Variants in SNW1 observed in about 807,000 individuals in gnomAD.
SNW1 encodes SNW domain containing 1.
SNW1 carries 9 observed loss-of-function variants against 75.6 expected under a neutral mutation model. The ratio of observed to expected loss-of-function variants is 0.12; its 90% CI spans 0.07 to 0.21. SNW1 has a LOEUF of 0.21. Ranked by LOEUF, SNW1 falls within the 10% of genes least tolerant of loss-of-function variation. The probability of loss-of-function intolerance (pLI) is 1.00; values close to 1 mark genes in which losing one functional copy is unlikely to be tolerated. For synonymous variants in SNW1, 200 were observed against 219.1 expected (o/e 0.91, Z 0.77); for missense variants, 409 against 670.9 (o/e 0.61, Z 4.31).
rs1303070971 is a variant in SNW1 at position 77,761,098 on chromosome 14, C to A, written c.14+16G>T. On this transcript the variant is annotated intron_variant, in intron 1 of 13. Coordinates refer to ENST00000261531, the MANE Select transcript of SNW1 (RefSeq NM_012245.3). ...CCCAGACCCTTCCGTATCGAGGACC[C>A]CAATCAACAACCCACCTGGTGAGCG... The A allele has an allele frequency of 6.2e-7, 1 of 1,614,254 alleles. No homozygotes were observed. Among genetic ancestry groups the A allele is most frequent in the Non-Finnish European group, 8.5e-7 (1 of 1,180,044 alleles).
chr14:77,735,055 C>A, intron 7 of SNW1, 43 bp from the exon 8 acceptor site: 8 of 1,379,748 alleles, frequency 5.8e-6, no homozygotes, highest in East Asian at 2.3e-5. Context: ...GATTTATAGT[C>A]TACAAAGTAA....
At chr14:77,751,824 A>AC (rs1566836147) in intron 2 of SNW1, among the ~76,000 whole-genome samples, 1 of 121,978 alleles carries the variant, frequency 8.2e-6, no homozygotes, top group African/African-American at 2.9e-5. Context: ...ACACACACAC[A>AC]CACACACACA....
At chr14:77,743,840 T>C (rs1405405426) in intron 3 of SNW1, among the ~76,000 whole-genome samples, 1 of 152,124 alleles carries the variant, frequency 6.6e-6, no homozygotes, top group Non-Finnish European at 1.5e-5. Context: ...ACAATCAAAG[T>C]GCTCCCCCAG....
intron 7 of SNW1, 51 bp from the exon 8 acceptor site, chr14:77,735,063 T>C (rs780281663): frequency 3.9e-6 from 5 of 1,289,626 alleles, no homozygotes; most frequent in Non-Finnish European, 5.6e-6. Flanking sequence ...GTCTACAAAG[T>C]AAATCTAAGT....
intron 3 of SNW1, among the ~76,000 whole-genome samples, chr14:77,749,935 T>C: frequency 7.2e-6 from 1 of 138,158 alleles, no homozygotes; most frequent in South Asian, 2.3e-4. Context: ...GTGCAGTGGC[T>C]CACGCCTGTG....
intron 9 of SNW1, among the ~76,000 whole-genome samples, chr14:77,732,116 C>A (rs1257620110): frequency 6.6e-6 from 1 of 152,226 alleles, no homozygotes; most frequent in African/African-American, 2.4e-5. Flanking sequence ...CTATTCAATT[C>A]ATTAGAATGT....
chr14:77,747,678 C>T (rs12895681), intron 3 of SNW1, among the ~76,000 whole-genome samples: 41,231 of 150,152 alleles, frequency 0.27, 6,916 homozygotes, highest in East Asian at 0.5. Context: ...CGACTCCGCC[C>T]GGCAGCCGCC....
chr14:77,725,507 T>G (rs1271068671), intron 10 of SNW1, among the ~76,000 whole-genome samples: 1 of 152,238 alleles, frequency 6.6e-6, no homozygotes, highest in Non-Finnish European at 1.5e-5. Context: ...TTCTTGTATG[T>G]GATAAGAAAT....
At chr14:77,722,564 G>T (rs912528119) in intron 11 of SNW1, 1 of 429,992 alleles carries the variant, frequency 2.3e-6, no homozygotes, top group African/African-American at 2.1e-5. Context: ...GACTATAACA[G>T]TCCAAATTTA....
At position 77,731,134 on chromosome 14, in the gene SNW1, TG is replaced by T; in HGVS notation, c.892-6del. 1 of 1,613,194 alleles carries T rather than the reference TG, an allele frequency of 6.2e-7. No homozygotes were observed. Among genetic ancestry groups the T allele is most frequent in the Non-Finnish European group, 8.5e-7 (1 of 1,179,932 alleles). On this transcript the variant is annotated splice_region_variant and splice_polypyrimidine_tract_variant and intron_variant, in intron 9 of 13. Transcript: ENST00000261531. ...CATTTCCACAGCTTCACGAGCCTGTTGGTAAAGTCACATGTTAAACAGGACA... is the reference window on the plus strand; with the variant it reads ...CATTTCCACAGCTTCACGAGCCTGTTGTAAAGTCACATGTTAAACAGGACA...
At chr14:77,751,142 G>C (rs1184336042) in intron 3 of SNW1, among the ~76,000 whole-genome samples, 177 bp downstream of exon 3, 1 of 152,046 alleles carries the variant, frequency 6.6e-6, no homozygotes, top group Non-Finnish European at 1.5e-5. Flanking sequence ...CAAACTCTTG[G>C]GCTCAGTCAA....
chr14:77,735,167 TA>T (rs368689131), intron 7 of SNW1, among the ~76,000 whole-genome samples, 155 bp from the exon 8 acceptor site: 13 of 152,384 alleles, frequency 8.5e-5, no homozygotes, highest in African/African-American at 2.6e-4. Context: ...AGCACTAGTT[TA>T]CCATATAATT....
intron 10 of SNW1, among the ~76,000 whole-genome samples, chr14:77,724,620 T>G (rs1057322080): frequency 2.6e-5 from 4 of 152,248 alleles, no homozygotes; most frequent in Admixed American, 2.0e-4. Context: ...TTCGTTTTTC[T>G]GTGCCGGGCT....
At position 77,718,023 on chromosome 14, in the gene SNW1, C is replaced by A. The variant is rs1035229925; in HGVS notation, c.*65G>T. On this transcript the variant is annotated 3_prime_UTR_variant, in exon 14 of 14. Transcript: ENST00000261531. ...TTATCCTGACCATTTACAAAGTGTT[C>A]CCCCATATGACTTGCATCATTAGGG... 2 of 1,407,174 alleles carry A rather than the reference C, an allele frequency of 1.4e-6. No homozygotes were observed. The highest frequency in any genetic ancestry group is 1.9e-6 in the Non-Finnish European group (2 of 1,043,094). 87.2% of individuals were successfully genotyped at this position (1,407,174 alleles called of 1,614,324 possible).
chr14:77,737,530 A>T (rs899983427), intron 5 of SNW1, among the ~76,000 whole-genome samples: 1 of 152,210 alleles, frequency 6.6e-6, no homozygotes, highest in African/African-American at 2.4e-5. Context: ...CAATATCTGT[A>T]TGTGATTCAA....
intron 1 of SNW1, chr14:77,760,694 G>A (rs769710875): frequency 2.0e-4 from 143 of 702,354 alleles, no homozygotes; most frequent in Middle Eastern, 9.2e-4. Flanking sequence ...CGAAAGGAGA[G>A]AGACCACCAC....
rs925214886 is a variant in SNW1, at chr14:77,743,852, G to A, written c.331-4791C>T. On this transcript the variant is annotated intron_variant, in intron 3 of 13. Coordinates refer to ENST00000261531, the MANE Select transcript of SNW1 (RefSeq NM_012245.3). ...TAAACAATCAAAGTGCTCCCCCAGT[G>A]CCAATGGCACATAATAGTTACTTGA... Among the ~76,000 whole-genome samples the A allele has an allele frequency of 2.6e-5, 4 of 152,142 alleles. No homozygotes were observed. The East Asian group carries it at 7.7e-4, about 29-fold the overall frequency.
At chr14:77,729,192 C>A (rs1323517868) in intron 10 of SNW1, among the ~76,000 whole-genome samples, 3 of 152,154 alleles carry the variant, frequency 2.0e-5, no homozygotes, top group Non-Finnish European at 4.4e-5. Context: ...ATAATAAATT[C>A]TTCATCTTTC....
intron 12 of SNW1, among the ~76,000 whole-genome samples, chr14:77,720,134 A>G (rs2080527269): frequency 6.6e-6 from 1 of 152,242 alleles, no homozygotes; most frequent in South Asian, 2.1e-4. Flanking sequence ...ACAACAAAAA[A>G]ACCCAAGAGG....
Sources: allele counts gnomAD v4.1 joint callset (sites outside exome capture counted in the v4.1 genomes callset), GRCh38; gene constraint gnomAD v4.1.1; transcripts MANE v1.5; gene names NCBI Gene and HGNC (gene_info 2026-07-23, HGNC 2026-07-21).